The following TFAP2D variants were observed in gnomAD, a reference collection of about 807,000 sequenced individuals.
TFAP2D encodes transcription factor AP-2-delta.
A neutral mutation model predicts 43.6 loss-of-function variants in TFAP2D; 9 were observed. The ratio of observed to expected loss-of-function variants is 0.21; its 90% CI spans 0.12 to 0.36. The LOEUF (loss-of-function observed/expected upper bound fraction) is 0.36. Ranked by LOEUF, TFAP2D falls within the 10% of genes least tolerant of loss-of-function variation. The probability of loss-of-function intolerance (pLI) is 1.00; values close to 1 mark genes in which losing one functional copy is unlikely to be tolerated. For synonymous variants in TFAP2D, 256 were observed against 224.9 expected (o/e 1.14, Z -1.24); for missense variants, 513 against 561.4 (o/e 0.91, Z 0.87).
intron 5 of TFAP2D, among the ~76,000 whole-genome samples, chr6:50,736,595 C>T (rs1581765661): frequency 6.6e-6 from 1 of 151,980 alleles, no homozygotes; most frequent in African/African-American, 2.4e-5. Context: ...AAATTATTTG[C>T]AAGCTTTCTA....
chr6:50,747,813 C>T (rs1769145804), intron 6 of TFAP2D, among the ~76,000 whole-genome samples: 1 of 152,000 alleles, frequency 6.6e-6, no homozygotes, highest in Admixed American at 6.6e-5. Context: ...GCGTATTTGA[C>T]CAGGTAGTAG....
intron 3 of TFAP2D, among the ~76,000 whole-genome samples, chr6:50,721,993 G>T (rs1215240171): frequency 2.0e-5 from 3 of 152,214 alleles, no homozygotes; most frequent in Non-Finnish European, 4.4e-5. Context: ...ATTCTCAGTT[G>T]TTCTTCACAT....
intron 6 of TFAP2D, among the ~76,000 whole-genome samples, chr6:50,746,666 T>C (rs1301699803): frequency 6.6e-6 from 1 of 152,180 alleles, no homozygotes; most frequent in Non-Finnish European, 1.5e-5. Flanking sequence ...TGGCTCAAAA[T>C]GCATAAAACC....
intron 7 of TFAP2D, among the ~76,000 whole-genome samples, chr6:50,757,739 AATATATATAATTATTCTAT>A: frequency 1.4e-5 from 1 of 69,470 alleles, no homozygotes; most frequent in Non-Finnish European, 3.0e-5. Context: ...CTATATATAG[AATATATATAATTATTCTAT>A]ATATATAGAA....
chr6:50,728,808 A>T, intron 3 of TFAP2D, 48 bp from the exon 4 acceptor site: 5 of 1,393,006 alleles, frequency 3.6e-6, no homozygotes, highest in Non-Finnish European at 5.1e-6. Flanking sequence ...TCATGCAGTT[A>T]GCTTCTTTCA....
chr6:50,714,815 C>G (rs943885658), intron 1 of TFAP2D, among the ~76,000 whole-genome samples: 7 of 150,194 alleles, frequency 4.7e-5, no homozygotes, highest in Non-Finnish European at 9.0e-5. Context: ...GTGTGTGTGT[C>G]TGTGTGTGTG....
intron 5 of TFAP2D, among the ~76,000 whole-genome samples, chr6:50,743,278 C>G (rs967000081): frequency 6.6e-6 from 1 of 152,082 alleles, no homozygotes; most frequent in African/African-American, 2.4e-5. Context: ...ATTGCAATAC[C>G]TTTTATATTA....
chr6:50,728,737 T>C, intron 3 of TFAP2D, 119 bp from the exon 4 acceptor site: 1 of 939,328 alleles, frequency 1.1e-6, no homozygotes, highest in Non-Finnish European at 1.6e-6. Context: ...GGGGGATATA[T>C]AAGTACAACT....
chr6:50,741,424 A>G (rs949735557), intron 5 of TFAP2D, among the ~76,000 whole-genome samples: 1 of 151,908 alleles, frequency 6.6e-6, no homozygotes, highest in Non-Finnish European at 1.5e-5. Flanking sequence ...ATTTTTCCCG[A>G]TCTCTCTCCT....
intron 7 of TFAP2D, among the ~76,000 whole-genome samples, chr6:50,754,009 A>G (rs1769232455): frequency 6.6e-6 from 1 of 151,918 alleles, no homozygotes; most frequent in African/African-American, 2.4e-5. Context: ...AAAATTTGCC[A>G]TCTTAACCAT....
intron 7 of TFAP2D, among the ~76,000 whole-genome samples, chr6:50,766,059 G>C (rs968179285): frequency 1.3e-5 from 2 of 152,074 alleles, no homozygotes; most frequent in Non-Finnish European, 2.9e-5. Flanking sequence ...GTAAGATAAG[G>C]ATCCAATTTT....
chr6:50,723,205 A>G (rs1561932000), intron 3 of TFAP2D, among the ~76,000 whole-genome samples: 2 of 152,362 alleles, frequency 1.3e-5, no homozygotes, highest in East Asian at 3.9e-4. Flanking sequence ...AATTCCTTGA[A>G]ATGGAACCTT....
chr6:50,730,598 T>A (rs1581763155), intron 5 of TFAP2D, among the ~76,000 whole-genome samples: 1 of 152,132 alleles, frequency 6.6e-6, no homozygotes, highest in Non-Finnish European at 1.5e-5. Flanking sequence ...ATTATAGTTA[T>A]CATTGTTTAA....
chr6:50,722,859 G>GGGGAAGCGCCCTTGTTTCGCTTGT (rs1768751141), intron 3 of TFAP2D, among the ~76,000 whole-genome samples: 1 of 152,150 alleles, frequency 6.6e-6, no homozygotes, highest in Non-Finnish European at 1.5e-5. Context: ...AAAGTGAAGA[G>GGGGAAGCGCCCTTGTTTCGCTTGT]GGGAAGCGCC....
At chr6:50,755,762 A>G (rs1769255844) in intron 7 of TFAP2D, among the ~76,000 whole-genome samples, 1 of 152,078 alleles carries the variant, frequency 6.6e-6, no homozygotes, top group Non-Finnish European at 1.5e-5. Context: ...AGGCTGTGCA[A>G]CATAAAGAGA....
At chr6:50,760,649 A>G (rs1235839718) in intron 7 of TFAP2D, among the ~76,000 whole-genome samples, 2 of 152,026 alleles carry the variant, frequency 1.3e-5, no homozygotes, top group Admixed American at 1.3e-4. Flanking sequence ...ATCTATGTAG[A>G]AAATAAGCAT....
chr6:50,725,602 T>C (rs1442700599), intron 3 of TFAP2D, among the ~76,000 whole-genome samples: 1 of 152,190 alleles, frequency 6.6e-6, no homozygotes, highest in Non-Finnish European at 1.5e-5. Flanking sequence ...ATGAGGAAGT[T>C]CAAGTAGTAA....
chr6:50,744,658 C>T (rs557526610), intron 5 of TFAP2D, among the ~76,000 whole-genome samples: 17 of 152,222 alleles, frequency 1.1e-4, no homozygotes, highest in African/African-American at 3.9e-4. Context: ...TATATGGACC[C>T]TTCGCAGGTA....
chr6:50,764,702 G>A (rs1769417210), intron 7 of TFAP2D, among the ~76,000 whole-genome samples: 1 of 152,132 alleles, frequency 6.6e-6, no homozygotes, highest in South Asian at 2.1e-4. Context: ...ATACCTAACT[G>A]CTGGCAGATA....
Sources: gnomAD v4.1 joint callset for allele counts (sites outside exome capture counted in the v4.1 genomes callset) on GRCh38, gnomAD v4.1.1 for gene constraint, MANE v1.5 for transcripts, NCBI Gene and HGNC (gene_info 2026-07-23, HGNC 2026-07-21) for gene names.